DENND1B: variants seen among roughly 807,000 people sequenced by gnomAD.
DENND1B encodes DENN domain-containing protein 1B.
DENND1B carries 59 observed loss-of-function variants against 90.1 expected under a neutral mutation model. The ratio of observed to expected loss-of-function variants is 0.65; its 90% CI spans 0.53 to 0.81. The LOEUF (loss-of-function observed/expected upper bound fraction) is 0.81. Ranked by LOEUF, DENND1B falls within the 40% of genes least tolerant of loss-of-function variation. The pLI, the probability that DENND1B is intolerant of heterozygous loss-of-function variation, is 0.00. For synonymous variants in DENND1B, 337 were observed against 324.6 expected, an observed-to-expected ratio of 1.04 and a Z score of -0.41; for missense variants, 862 against 912.6, an observed-to-expected ratio of 0.94 and a Z score of 0.71.
In DENND1B at chr1:197,752,717, T is replaced by C. The variant is rs190773232; in HGVS notation, c.82+20151A>G. On this transcript the variant is annotated intron_variant, in intron 2 of 22. Transcript: ENST00000620048. The stretch of plus-strand genomic sequence containing the variant: ...TGCAGGTTTGTTACATATGTATACA[T>C]GTGCCATATTGGTGTGCTGCACCCG... 4.6e-3 allele frequency among the ~76,000 whole-genome samples: 696 copies of C among 152,090 alleles called. 13 individuals are homozygous for C. Among genetic ancestry groups the C allele is most frequent in the African/African-American group, 0.016 (669 of 41,362 alleles).
Position 197,735,834 on chromosome 1 carries a change from A to G in DENND1B, c.83-20760T>C, listed in dbSNP as rs546220984. 53 of 1,606,712 alleles carry G rather than the reference A, an allele frequency of 3.3e-5. No individual in the cohort carries two copies. The African/African-American group carries it at 6.3e-4, about 19-fold the overall frequency. ...GCACAAAAAGGGACAATTGGAAGAA[A>G]TTCAAAAGAAAAGAACTTGCCGAGC... On this transcript the variant is annotated intron_variant, in intron 2 of 22. Coordinates refer to ENST00000620048, the MANE Select transcript of DENND1B (RefSeq NM_001195215.2).
At chr1:197,690,819 T>C (rs1572345435) in intron 3 of DENND1B, among the ~76,000 whole-genome samples, 6 of 152,094 alleles carry the variant, frequency 3.9e-5, no homozygotes, top group Admixed American at 3.9e-4. Flanking sequence ...TTTTTTTGTG[T>C]GAGAGTTCTT....
At chr1:197,552,510 G>A (rs1172631100) in intron 16 of DENND1B, 6 of 985,308 alleles carry the variant, frequency 6.1e-6, no homozygotes, top group Non-Finnish European at 7.2e-6. Flanking sequence ...TGGTAAACTG[G>A]AAACTTTCTT....
chr1:197,601,921 T>C (rs1440646450), intron 13 of DENND1B, among the ~76,000 whole-genome samples: 2 of 151,680 alleles, frequency 1.3e-5, no homozygotes, highest in Non-Finnish European at 3.0e-5. Flanking sequence ...AAATCTATAA[T>C]AGTTTACCTA....
rs1214274485 is a variant in DENND1B, at chr1:197,506,246, T to G, written c.*4214A>C. On this transcript the variant is annotated 3_prime_UTR_variant, in exon 23 of 23. Transcript: ENST00000620048. The stretch of plus-strand genomic sequence containing the variant: ...AAATATTCTTCTGTCTAAATGTATA[T>G]AATTCCTTATTTCTTCATCAAATCA... 6.6e-6 allele frequency: 1 copy of G among 151,612 alleles called. No homozygotes were observed. Among genetic ancestry groups the G allele is most frequent in the Non-Finnish European group, 1.5e-5 (1 of 67,646 alleles). The allele number at this position is 151,612 out of a possible 1,614,324, so 9.4% of individuals were successfully genotyped here. A position where few individuals can be genotyped will look rare whatever the true frequency, so the allele number is the denominator to read the frequency against.
At chr1:197,571,509 G>A (rs993968802) in intron 15 of DENND1B, among the ~76,000 whole-genome samples, 6 of 151,998 alleles carry the variant, frequency 3.9e-5, no homozygotes, top group Non-Finnish European at 8.8e-5. Context: ...TTCTTTAGAC[G>A]TAGCTTAAAT....
chr1:197,702,750 G>C (rs2102164835), intron 3 of DENND1B, among the ~76,000 whole-genome samples: 1 of 152,234 alleles, frequency 6.6e-6, no homozygotes, highest in Non-Finnish European at 1.5e-5. Flanking sequence ...CTGTTAAAAT[G>C]CTTGTGTATG....
At chr1:197,746,626 C>A in intron 2 of DENND1B, 1 of 610,090 alleles carries the variant, frequency 1.6e-6, no homozygotes, top group Non-Finnish European at 2.9e-6. Context: ...ATCAAACTCC[C>A]AAATTTTATG....
intron 15 of DENND1B, among the ~76,000 whole-genome samples, chr1:197,573,495 G>A (rs576533100): frequency 2.0e-5 from 3 of 152,214 alleles, no homozygotes; most frequent in African/African-American, 4.8e-5. Context: ...AGGACCAGAC[G>A]GATTCACAGC....
At chr1:197,774,376 G>A (rs1539414) in intron 1 of DENND1B, 35,585 of 152,050 alleles carry the variant, frequency 0.23, 4,483 homozygotes, top group Middle Eastern at 0.34. Context: ...GTGGGTAAGC[G>A]AAGTAAAAAG....
At chr1:197,636,389 C>T (rs968460365) in intron 10 of DENND1B, among the ~76,000 whole-genome samples, 1 of 152,028 alleles carries the variant, frequency 6.6e-6, no homozygotes, top group Non-Finnish European at 1.5e-5. Flanking sequence ...TATATTGGGG[C>T]AGAAGGTAAG....
chr1:197,565,632 C>T (rs866397319), intron 15 of DENND1B, among the ~76,000 whole-genome samples: 94 of 140,370 alleles, frequency 6.7e-4, no homozygotes, highest in South Asian at 3.9e-3. Context: ...AAAGCTATCC[C>T]TCCTCCCTCC....
chr1:197,517,743 G>A (rs1668498936), intron 20 of DENND1B, among the ~76,000 whole-genome samples: 1 of 151,856 alleles, frequency 6.6e-6, no homozygotes. Flanking sequence ...CTTGCACAGA[G>A]GGATCTGGCT....
chr1:197,764,772 T>C (rs1166979150), intron 2 of DENND1B, among the ~76,000 whole-genome samples: 1 of 152,190 alleles, frequency 6.6e-6, no homozygotes, highest in Non-Finnish European at 1.5e-5. Flanking sequence ...CCCTGAAGGC[T>C]ATCAGTTGTT....
chr1:197,733,894 C>T (rs921715818), intron 2 of DENND1B: 1 of 193,700 alleles, frequency 5.2e-6, no homozygotes, highest in African/African-American at 2.4e-5. Flanking sequence ...ATGTATTTTA[C>T]CAACATACAA....
intron 14 of DENND1B, among the ~76,000 whole-genome samples, chr1:197,594,886 TAAC>T (rs1158228696): frequency 2.0e-5 from 3 of 152,222 alleles, no homozygotes; most frequent in African/African-American, 4.8e-5. Context: ...TTAATGATCT[TAAC>T]AAGATCAGGT....
chr1:197,642,055 G>A (rs1319632699), intron 10 of DENND1B, among the ~76,000 whole-genome samples: 1 of 151,824 alleles, frequency 6.6e-6, no homozygotes, highest in East Asian at 1.9e-4. Flanking sequence ...AAGCTTAAAT[G>A]AGAAAAAAAT....
chr1:197,705,481 C>T (rs1362065623), intron 3 of DENND1B, among the ~76,000 whole-genome samples: 2 of 151,940 alleles, frequency 1.3e-5, no homozygotes, highest in African/African-American at 4.8e-5. Context: ...ATTGATGTCC[C>T]AGTGATCTCA....
intron 15 of DENND1B, among the ~76,000 whole-genome samples, chr1:197,580,647 C>G (rs10922259): frequency 0.44 from 67,176 of 151,892 alleles, 15,669 homozygotes; most frequent in East Asian, 0.66. Flanking sequence ...TGCAGACTGA[C>G]ATGTGGTTAT....
Sources: allele counts gnomAD v4.1 joint callset (sites outside exome capture counted in the v4.1 genomes callset), GRCh38; gene constraint gnomAD v4.1.1; transcripts MANE v1.5; gene names NCBI Gene and HGNC (gene_info 2026-07-23, HGNC 2026-07-21).